The following EMILIN2 variants were observed in gnomAD, a reference collection of about 807,000 sequenced individuals.
The protein encoded by EMILIN2 is EMILIN-2.
A neutral mutation model predicts 87.1 loss-of-function variants in EMILIN2; 71 were observed. The ratio of observed to expected loss-of-function variants is 0.82; its 90% confidence interval spans 0.67 to 0.99. The LOEUF is 0.99. EMILIN2 is among the 50% of genes least tolerant of loss of function. The probability of loss-of-function intolerance (pLI) is 0.00; values close to 1 mark genes in which losing one functional copy is unlikely to be tolerated. For synonymous variants in EMILIN2, 581 were observed against 563.4 expected (o/e 1.03, Z -0.44); for missense variants, 1,407 against 1,371.8 (o/e 1.03, Z -0.40).
At chr18:2,867,064 T>G (rs1277991995) in intron 2 of EMILIN2, among the ~76,000 whole-genome samples, 2 of 152,210 alleles carry the variant, frequency 1.3e-5, no homozygotes, top group East Asian at 1.9e-4. Flanking sequence ...ATATGGTGGC[T>G]TATCTTTTCG....
intron 2 of EMILIN2, among the ~76,000 whole-genome samples, chr18:2,866,382 G>A (rs1019145728): frequency 6.6e-6 from 1 of 152,160 alleles, no homozygotes; most frequent in African/African-American, 2.4e-5. Flanking sequence ...AGTTTTCCTT[G>A]TGGAGGTCTT....
rs753697920 is a variant in EMILIN2 at position 2,908,926 on chromosome 18, T to C, written c.2663-17T>C. On this transcript the variant is annotated splice_polypyrimidine_tract_variant and intron_variant, in intron 5 of 7. Transcript: ENST00000254528. Reference sequence around the variant, plus strand: ...TTAGGGTCTTGTTTGACATGCCATTTCCTTTCTGTTTTTCAGGATACCCGA... The same window carrying C: ...TTAGGGTCTTGTTTGACATGCCATTCCCTTTCTGTTTTTCAGGATACCCGA... The C allele has an allele frequency of 6.2e-7, 1 of 1,613,770 alleles. No homozygotes were observed. The highest frequency in any genetic ancestry group is 1.1e-5 in the South Asian group (1 of 91,066).
rs374287134 is a variant in EMILIN2 at position 2,847,425 on chromosome 18, G to T, written c.134+103G>T. 973 of 1,161,282 alleles carry T rather than the reference G, an allele frequency of 8.4e-4. 2 individuals carry two copies. The highest frequency in any genetic ancestry group is 8.0e-3 in the African/African-American group (496 of 61,956). The allele number at this position is 1,161,282 out of a possible 1,614,324, so 71.9% of individuals were successfully genotyped here. A position where few individuals can be genotyped will look rare whatever the true frequency, so the allele number is the denominator to read the frequency against. ...CAAAGACGACGAGCGGCAGCCGGGG[G>T]CCTCCCTTGGACTTCCCCGGGCGGC... On this transcript the variant is annotated intron_variant, in intron 1 of 7. Coordinates refer to ENST00000254528, the MANE Select transcript of EMILIN2 (RefSeq NM_032048.3). The surrounding 1 kb of genome is among the most constrained non-coding windows in gnomAD (Gnocchi z 4.5).
rs139080827 is a variant in EMILIN2 at position 2,894,428 on chromosome 18, C to T, written c.2359+1942C>T. On this transcript the variant is annotated intron_variant, in intron 4 of 7. Coordinates refer to ENST00000254528, the MANE Select transcript of EMILIN2 (RefSeq NM_032048.3). The surrounding 1 kb of genome is among the most constrained non-coding windows in gnomAD (Gnocchi z 5.0). ...TCCCCCACTCCAGGGCCACTCAGCTCCTCTATCTCTGGAATGTTGAGTAGA... is the reference window on the plus strand; with the variant it reads ...TCCCCCACTCCAGGGCCACTCAGCTTCTCTATCTCTGGAATGTTGAGTAGA... Among the ~76,000 whole-genome samples the T allele has an allele frequency of 2.4e-4, 36 of 152,330 alleles. No individual in the cohort carries two copies. Among genetic ancestry groups the T allele is most frequent in the African/African-American group, 8.7e-4 (36 of 41,572 alleles).
At chr18:2,897,079 A>G (rs528203758) in intron 4 of EMILIN2, among the ~76,000 whole-genome samples, 2 of 152,346 alleles carry the variant, frequency 1.3e-5, no homozygotes, top group African/African-American at 2.4e-5. Flanking sequence ...GAATAGTGGT[A>G]TGGCCAAGCG....
At position 2,894,637 on chromosome 18, in the gene EMILIN2, AT is replaced by A. The variant is rs753148704; in HGVS notation, c.2359+2153del. ...TGTTGCAGTAGGAGTTGGGGGGTGA[AT>A]TCTTTTAAAAGAGAATGTGCCATAC... On this transcript the variant is annotated intron_variant, in intron 4 of 7. Transcript: ENST00000254528. The surrounding 1 kb of genome is among the most constrained non-coding windows in gnomAD (Gnocchi z 5.0). Among the ~76,000 whole-genome samples, 54 of 152,212 alleles carry A rather than the reference AT, an allele frequency of 3.5e-4. No homozygotes were observed. Among genetic ancestry groups the A allele is most frequent in the Admixed American group, 9.8e-4 (15 of 15,286 alleles).
chr18:2,913,301 T>A lies in EMILIN2; in HGVS notation c.3059T>A (p.Val1020Asp). 6.2e-7 allele frequency: 1 copy of A among 1,613,106 alleles called. No individual in the cohort carries two copies. Among genetic ancestry groups the A allele is most frequent in the Non-Finnish European group, 8.5e-7 (1 of 1,179,336 alleles). ...LIVHLKAGDAVNVVVTGGKLA... is the reference protein window; with the variant it reads ...LIVHLKAGDADNVVVTGGKLA... Reference sequence around the variant, plus strand: ...GTGCACCTGAAGGCGGGAGATGCAGTCAACGTCGTGGTGACTGGGGGCAAG... The same window carrying A: ...GTGCACCTGAAGGCGGGAGATGCAGACAACGTCGTGGTGACTGGGGGCAAG... Residue 1020 changes from valine to aspartate, a missense_variant, in exon 8 of 8, where the codon GTC (valine) becomes GAC (aspartate). By Grantham distance (152) the Val-to-Asp change is radical. Coordinates refer to ENST00000254528, the MANE Select transcript of EMILIN2 (RefSeq NM_032048.3).
In EMILIN2 at chr18:2,891,332, AT is replaced by A; in HGVS notation, c.1206del (p.Asn402LysfsTer25). 6.2e-7 allele frequency: 1 copy of A among 1,614,236 alleles called. No homozygotes were observed. The highest frequency in any genetic ancestry group is 8.5e-7 in the Non-Finnish European group (1 of 1,180,042). On this transcript the variant is annotated frameshift_variant, in exon 4 of 8. Coordinates refer to ENST00000254528, the MANE Select transcript of EMILIN2 (RefSeq NM_032048.3). LOFTEE classifies it high-confidence loss of function. This position sits in a 1 kb window ranked among gnomAD's most constrained non-coding sequence, Gnocchi z 4.6. ...AQANCCDSEK[N>X]GDIGQQIKTL... The stretch of plus-strand genomic sequence containing the variant: ...GCAAATTGCTGCGACAGTGAAAAGA[AT>A]GGTGACATTGGTCAACAGATCAAGA...
Position 2,869,241 on chromosome 18 carries a change from A to C in EMILIN2, c.258-15723A>C, listed in dbSNP as rs1268119289. On this transcript the variant is annotated intron_variant, in intron 2 of 7. Coordinates refer to ENST00000254528, the MANE Select transcript of EMILIN2 (RefSeq NM_032048.3). ...CTGGTACTTCCCTTTCACAGATTTGAAGAGATTTAAAAATACCTTAATGCA... is the reference window on the plus strand; with the variant it reads ...CTGGTACTTCCCTTTCACAGATTTGCAGAGATTTAAAAATACCTTAATGCA... 2.0e-5 allele frequency among the ~76,000 whole-genome samples: 3 copies of C among 151,640 alleles called. No homozygotes were observed. In the Admixed American group the frequency reaches 2.0e-4, roughly 10 times the overall value.
chr18:2,909,197 A>G (rs1045126409), intron 6 of EMILIN2, among the ~76,000 whole-genome samples: 1 of 152,190 alleles, frequency 6.6e-6, no homozygotes, highest in Non-Finnish European at 1.5e-5. Context: ...GCCCAAGACA[A>G]GGAATCTTCC....
intron 2 of EMILIN2, among the ~76,000 whole-genome samples, chr18:2,857,663 T>C (rs2076634879): frequency 6.6e-6 from 1 of 152,212 alleles, no homozygotes; most frequent in East Asian, 1.9e-4. Flanking sequence ...CGACTCTGGC[T>C]TGCCTTTAGC....
chr18:2,914,345 A>T lies in EMILIN2; in HGVS notation c.*941A>T, dbSNP rs1250729301. 3 of 152,120 alleles carry T rather than the reference A, an allele frequency of 2.0e-5. No individual in the cohort carries two copies. Among genetic ancestry groups the T allele is most frequent in the Non-Finnish European group, 4.4e-5 (3 of 68,030 alleles). The allele number at this position is 152,120 out of a possible 1,614,324, so 9.4% of individuals were successfully genotyped here. A position where few individuals can be genotyped will look rare whatever the true frequency, so the allele number is the denominator to read the frequency against. On this transcript the variant is annotated 3_prime_UTR_variant, in exon 8 of 8. Coordinates refer to ENST00000254528, the MANE Select transcript of EMILIN2 (RefSeq NM_032048.3). ...TCTGGGGATGCTGCACTCAGATCCC[A>T]CAGCAGCTGCCCAGGCTAACTTGAT...
chr18:2,909,105 C>T (rs555113807), intron 6 of EMILIN2, 130 bp downstream of exon 6: 75 of 1,159,622 alleles, frequency 6.5e-5, no homozygotes, highest in Non-Finnish European at 9.2e-5. Context: ...CCTTCCCCAC[C>T]CACCAGCACT....
intron 2 of EMILIN2, among the ~76,000 whole-genome samples, chr18:2,877,347 A>G (rs2076753826): frequency 6.6e-6 from 1 of 152,140 alleles, no homozygotes; most frequent in Non-Finnish European, 1.5e-5. Context: ...CATGTTTAGC[A>G]AAGTGTCAAT....
chr18:2,882,024 C>T lies in EMILIN2; in HGVS notation c.258-2940C>T, dbSNP rs887513630. ...GGCCGCTTCCTCCAATGTAAGGCATCGCCTGAGAGAACGGCTGTGTGGGGT... is the reference window on the plus strand; with the variant it reads ...GGCCGCTTCCTCCAATGTAAGGCATTGCCTGAGAGAACGGCTGTGTGGGGT... On this transcript the variant is annotated intron_variant, in intron 2 of 7. Coordinates refer to ENST00000254528, the MANE Select transcript of EMILIN2 (RefSeq NM_032048.3). Among the ~76,000 whole-genome samples, 12 of 152,312 alleles carry T rather than the reference C, an allele frequency of 7.9e-5. No homozygotes were observed. The East Asian group carries it at 1.2e-3, about 15-fold the overall frequency.
chr18:2,854,409 G>A (rs899895992), intron 2 of EMILIN2, among the ~76,000 whole-genome samples: 7 of 152,092 alleles, frequency 4.6e-5, no homozygotes, highest in African/African-American at 9.7e-5. Flanking sequence ...CTCAGGTTCC[G>A]AGGGGAGCAG....
At chr18:2,899,117 C>A (rs1410854287) in intron 4 of EMILIN2, among the ~76,000 whole-genome samples, 1 of 152,160 alleles carries the variant, frequency 6.6e-6, no homozygotes, top group Non-Finnish European at 1.5e-5. Flanking sequence ...TCGGCTCACT[C>A]AGGAGATCGC....
chr18:2,911,246 T>TG lies in EMILIN2; in HGVS notation c.2824+1433dup, dbSNP rs933874764. The stretch of plus-strand genomic sequence containing the variant: ...TGCGTCCCTTTCCTGATTCTTCCCT[T>TG]GGGGGGCCGTCCGCATGCACAGGGG... On this transcript the variant is annotated intron_variant, in intron 7 of 7. Coordinates refer to ENST00000254528, the MANE Select transcript of EMILIN2 (RefSeq NM_032048.3). 9.7e-4 allele frequency among the ~76,000 whole-genome samples: 148 copies of TG among 152,260 alleles called. 1 individual carries two copies. Among genetic ancestry groups the TG allele is most frequent in the African/African-American group, 3.5e-3 (146 of 41,540 alleles).
Position 2,891,221 on chromosome 18 carries a change from T to G in EMILIN2, c.1094T>G (p.Val365Gly), listed in dbSNP as rs771856384. 6.2e-7 allele frequency: 1 copy of G among 1,613,804 alleles called. No homozygotes were observed. Among genetic ancestry groups the G allele is most frequent in the Non-Finnish European group, 8.5e-7 (1 of 1,179,982 alleles). ...CDDYGSSYLG[V>G]IELIGEKETS... is the part of the protein sequence containing the mutation. Reference sequence around the variant, plus strand: ...GACTATGGGAGCAGCTACCTGGGAGTGATAGAGCTCATAGGGGAGAAGGAA... The same window carrying G: ...GACTATGGGAGCAGCTACCTGGGAGGGATAGAGCTCATAGGGGAGAAGGAA... The change falls in exon 4 of 8, where the codon GTG becomes GGG. Residue 365 changes from valine (V) to glycine (G), a missense_variant. Physicochemically the swap from Val to Gly is moderately radical, Grantham distance 109. Coordinates refer to ENST00000254528, the MANE Select transcript of EMILIN2 (RefSeq NM_032048.3). This position sits in a 1 kb window ranked among gnomAD's most constrained non-coding sequence, Gnocchi z 4.6.
Sources: allele counts gnomAD v4.1 joint callset (sites outside exome capture counted in the v4.1 genomes callset), GRCh38; gene constraint gnomAD v4.1.1; non-coding constraint Gnocchi (gnomAD v3.1); transcripts MANE v1.5; gene names NCBI Gene and HGNC (gene_info 2026-07-23, HGNC 2026-07-21).